TRPC4: variants seen among roughly 807,000 people sequenced by gnomAD.
TRPC4 encodes the protein short transient receptor potential channel 4.
TRPC4 carries 49 observed loss-of-function variants against 99.4 expected under a neutral mutation model. The ratio of observed to expected loss-of-function variants is 0.49; its 90% CI spans 0.39 to 0.63. The LOEUF (loss-of-function observed/expected upper bound fraction) is 0.63, where lower values mean the gene tolerates loss of function less well. TRPC4 is among the 20% of genes least tolerant of loss of function. TRPC4 has a pLI of 0.00. For missense variants in TRPC4, 898 were observed against 1,152.9 expected, an observed-to-expected ratio of 0.78 and a Z score of 3.20; for synonymous variants, 454 against 425.9, an observed-to-expected ratio of 1.07 and a Z score of -0.81.
chr13:37,759,430 G>A (rs1469092814), intron 2 of TRPC4, among the ~76,000 whole-genome samples: 1 of 151,638 alleles, frequency 6.6e-6, no homozygotes, highest in Admixed American at 6.6e-5. Context: ...GAATGGCCAA[G>A]GATACCATAC....
intron 3 of TRPC4, among the ~76,000 whole-genome samples, chr13:37,721,276 T>G (rs140590560): frequency 6.6e-6 from 1 of 152,266 alleles, no homozygotes; most frequent in Non-Finnish European, 1.5e-5. Flanking sequence ...GTAAGCTCAA[T>G]TTATTTTATT....
At chr13:37,719,632 T>A (rs1954798657) in intron 3 of TRPC4, among the ~76,000 whole-genome samples, 1 of 152,146 alleles carries the variant, frequency 6.6e-6, no homozygotes, top group Non-Finnish European at 1.5e-5. Flanking sequence ...ATGTATGGAA[T>A]GTATATGTCA....
At chr13:37,844,224 G>T (rs1958819969) in intron 1 of TRPC4, among the ~76,000 whole-genome samples, 1 of 152,128 alleles carries the variant, frequency 6.6e-6, no homozygotes, top group Non-Finnish European at 1.5e-5. Context: ...TGATAATGGT[G>T]TCAAACCAGA....
At chr13:37,824,180 A>C (rs1215516302) in intron 1 of TRPC4, among the ~76,000 whole-genome samples, 3 of 150,532 alleles carry the variant, frequency 2.0e-5, no homozygotes, top group Non-Finnish European at 4.4e-5. Context: ...GGGCTGAGAC[A>C]ATGGGGTTTT....
chr13:37,746,567 GTT>G, intron 2 of TRPC4, 112 bp from the exon 3 acceptor site: 1 of 850,210 alleles, frequency 1.2e-6, no homozygotes, highest in African/African-American at 1.8e-5. Context: ...CCTTGGCCGG[GTT>G]TTTTTTTTTT....
chr13:37,699,320 A>G (rs1954024785), intron 3 of TRPC4, among the ~76,000 whole-genome samples: 1 of 152,156 alleles, frequency 6.6e-6, no homozygotes, highest in African/African-American at 2.4e-5. Flanking sequence ...ACGTATGTGC[A>G]TATACATATA....
At chr13:37,706,148 C>T (rs1954267004) in intron 3 of TRPC4, among the ~76,000 whole-genome samples, 1 of 152,188 alleles carries the variant, frequency 6.6e-6, no homozygotes, top group Non-Finnish European at 1.5e-5. Flanking sequence ...ATCCCTAGCA[C>T]TAGTGCCTGG....
chr13:37,803,877 A>G (rs182229043), intron 1 of TRPC4, among the ~76,000 whole-genome samples: 13 of 152,240 alleles, frequency 8.5e-5, no homozygotes, highest in Non-Finnish European at 1.8e-4. Context: ...GGTTCAGAAT[A>G]AAGATCAGTG....
At position 37,783,489 on chromosome 13, in the gene TRPC4, A is replaced by AG. The variant is rs202112111; in HGVS notation, c.-27-130dup. ...CATTATTAGTAACTATTAAGAGTTA[A>AG]GGTTTTTTTTTTTCTTCAACAATAT... On this transcript the variant is annotated intron_variant, in intron 1 of 10. Coordinates refer to ENST00000379705, the MANE Select transcript of TRPC4 (RefSeq NM_016179.4). 6.8e-3 allele frequency: 3,971 copies of AG among 586,038 alleles called. 3 individuals carry two copies. Among genetic ancestry groups the AG allele is most frequent in the East Asian group, 0.011 (286 of 25,790 alleles). 36.3% of individuals were successfully genotyped at this position (586,038 alleles called of 1,614,324 possible).
chr13:37,853,925 G>T (rs988320469), intron 1 of TRPC4, among the ~76,000 whole-genome samples: 1 of 152,002 alleles, frequency 6.6e-6, no homozygotes, highest in Non-Finnish European at 1.5e-5. Context: ...ATGCTTATAA[G>T]ATGTAAAAAA....
chr13:37,746,018 TCG>T lies in TRPC4; in HGVS notation c.814_815del (p.Asp273Ter). On this transcript the variant is annotated frameshift_variant, in exon 3 of 11. Coordinates refer to ENST00000379705, the MANE Select transcript of TRPC4 (RefSeq NM_016179.4). LOFTEE classifies it high-confidence loss of function. Reference protein sequence around the residue: ...SRELEIILNYRDDNSLIEEQS... With the variant: ...SRELEIILNYXDDNSLIEEQS... The stretch of plus-strand genomic sequence containing the variant: ...GTTCTTCTATGAGACTATTGTCATC[TCG>T]GTAATTAAGAATGATTTCCAGTTCT... 1 of 1,613,914 alleles carries T rather than the reference TCG, an allele frequency of 6.2e-7. No homozygotes were observed. The highest frequency in any genetic ancestry group is 8.5e-7 in the Non-Finnish European group (1 of 1,179,858).
chr13:37,725,225 CAG>C (rs1272536029), intron 3 of TRPC4, among the ~76,000 whole-genome samples: 1 of 151,976 alleles, frequency 6.6e-6, no homozygotes, highest in Non-Finnish European at 1.5e-5. Flanking sequence ...AGAAGATGAA[CAG>C]AGTCTAAAGA....
intron 2 of TRPC4, among the ~76,000 whole-genome samples, chr13:37,775,911 A>G (rs1207876858): frequency 9.2e-5 from 14 of 151,796 alleles, no homozygotes; most frequent in Admixed American, 9.2e-4. Context: ...GCAACAGAAC[A>G]TGTTTCAAAG....
chr13:37,675,229 C>G (rs567174000), intron 4 of TRPC4, among the ~76,000 whole-genome samples: 1 of 152,192 alleles, frequency 6.6e-6, no homozygotes, highest in East Asian at 1.9e-4. Context: ...TACACTGACT[C>G]AAGAAAAAGT....
rs1265219483 is a variant in TRPC4, at chr13:37,823,195, C to A, written c.-27-39835G>T. Among the ~76,000 whole-genome samples, 5 of 148,026 alleles carry A rather than the reference C, an allele frequency of 3.4e-5. No homozygotes were observed. The East Asian group carries it at 8.1e-4, about 24-fold the overall frequency. Reference sequence around the variant, plus strand: ...AGCCCTTTGTCAGATGAGTAGGTTGCGAAAATTTTCTCCCATTTTGTAGGT... The same window carrying A: ...AGCCCTTTGTCAGATGAGTAGGTTGAGAAAATTTTCTCCCATTTTGTAGGT... On this transcript the variant is annotated intron_variant, in intron 1 of 10. Transcript: ENST00000379705.
chr13:37,786,798 G>A (rs532874718), intron 1 of TRPC4, among the ~76,000 whole-genome samples: 3 of 152,052 alleles, frequency 2.0e-5, no homozygotes, highest in East Asian at 1.9e-4. Flanking sequence ...ATGACTGATT[G>A]GTCAAATTAT....
At chr13:37,709,544 T>C (rs979247212) in intron 3 of TRPC4, among the ~76,000 whole-genome samples, 4 of 151,994 alleles carry the variant, frequency 2.6e-5, no homozygotes, top group African/African-American at 9.7e-5. Context: ...TCCTCCTTCA[T>C]GCACACATTC....
At chr13:37,860,973 A>G (rs1157870776) in intron 1 of TRPC4, among the ~76,000 whole-genome samples, 1 of 151,634 alleles carries the variant, frequency 6.6e-6, no homozygotes, top group African/African-American at 2.4e-5. Context: ...AAACACTTCT[A>G]AAATAAATTG....
intron 2 of TRPC4, among the ~76,000 whole-genome samples, chr13:37,769,516 C>T (rs1956489119): frequency 6.6e-6 from 1 of 151,440 alleles, no homozygotes; most frequent in African/African-American, 2.4e-5. Flanking sequence ...AGAAAGGCTA[C>T]ATTTTGTTTG....
Sources: allele counts gnomAD v4.1 joint callset (sites outside exome capture counted in the v4.1 genomes callset), GRCh38; gene constraint gnomAD v4.1.1; transcripts MANE v1.5; gene names NCBI Gene and HGNC (gene_info 2026-07-23, HGNC 2026-07-21).